Variants in DTX2 observed in about 807,000 individuals in gnomAD.
DTX2 encodes the protein deltex E3 ubiquitin ligase 2, also known as probable E3 ubiquitin-protein ligase DTX2.
DTX2 carries 29 observed loss-of-function variants against 55.3 expected under a neutral mutation model. That is an observed-to-expected ratio of 0.52 (90% CI 0.39 to 0.71). The LOEUF is 0.71. DTX2 is among the 30% of genes least tolerant of loss of function. The pLI is 0.00. For missense variants in DTX2, 537 were observed against 822.5 expected (o/e 0.65, Z 4.25); for synonymous variants, 276 against 340.4 (o/e 0.81, Z 2.08).
At chr7:76,501,572 C>T in intron 7 of DTX2, among the ~76,000 whole-genome samples, 1 of 151,538 alleles carries the variant, frequency 6.6e-6, no homozygotes, top group Non-Finnish European at 1.5e-5. Flanking sequence ...GCAGCCAGAC[C>T]CCCGAGGGCG....
At chr7:76,503,297 G>C (rs1811944576) in intron 8 of DTX2, 129 bp from the exon 9 acceptor site, 1 of 1,048,254 alleles carries the variant, frequency 9.5e-7, no homozygotes. Context: ...TTCCGGGCAG[G>C]AGGCTGCCAG....
At chr7:76,482,276 C>T (rs1255183276) in intron 3 of DTX2, among the ~76,000 whole-genome samples, 1 of 151,546 alleles carries the variant, frequency 6.6e-6, no homozygotes, top group African/African-American at 2.4e-5. Context: ...AGGAGGATCG[C>T]TTGAGCCCAG....
rs1369517603 is a variant in DTX2, at chr7:76,468,718, C to T, written c.-90+5009C>T. ...GGTGATCCACCCCCGCTTGGCCTCC[C>T]AAAGTGCTGGGATTATAGGCGTGAG... On this transcript the variant is annotated intron_variant, in intron 2 of 10. Coordinates refer to ENST00000430490, the MANE Select transcript of DTX2 (RefSeq NM_001102594.3). Among the ~76,000 whole-genome samples the T allele has an allele frequency of 9.7e-5, 7 of 71,890 alleles. 1 individual carries two copies. Among genetic ancestry groups the T allele is most frequent in the Non-Finnish European group, 1.8e-4 (7 of 39,442 alleles). The allele number at this position is 71,890 out of a possible 152,430, so 47.2% of individuals were successfully genotyped here.
At chr7:76,486,884 C>CTGCTGCTTCTTT (rs59594095) in intron 4 of DTX2, among the ~76,000 whole-genome samples, 1 of 149,126 alleles carries the variant, frequency 6.7e-6, no homozygotes, top group African/African-American at 2.5e-5. Flanking sequence ...GCTGCTGCTG[C>CTGCTGCTTCTTT]TGCCCTTGCC....
chr7:76,469,559 ATT>A (rs1325480000), intron 2 of DTX2, among the ~76,000 whole-genome samples: 1 of 149,904 alleles, frequency 6.7e-6, no homozygotes, highest in Non-Finnish European at 1.5e-5. Context: ...CACTTGGCTA[ATT>A]TTTTGTATTT....
chr7:76,498,355 C>G (rs934007732), intron 6 of DTX2, among the ~76,000 whole-genome samples: 1 of 151,576 alleles, frequency 6.6e-6, no homozygotes, highest in African/African-American at 2.4e-5. Context: ...CGAGCTCCTG[C>G]CCCCAGCCCA....
chr7:76,480,560 G>C lies in DTX2; in HGVS notation c.51G>C (p.Ala17=). Residue 17 remains alanine (A), a synonymous_variant, in exon 3 of 11, where the codon GCG becomes GCC. Coordinates refer to ENST00000430490, the MANE Select transcript of DTX2 (RefSeq NM_001102594.3). ...TGGTGCAGGTGTACACCAGCCCCGC[G>C]GCTGTGGCCGTGTGGGAATGGCAGG... ...PSLVQVYTSP[A]AVAVWEWQDG... 2 of 1,612,494 alleles carry C rather than the reference G, an allele frequency of 1.2e-6. No homozygotes were observed. The highest frequency in any genetic ancestry group is 1.7e-6 in the Non-Finnish European group (2 of 1,179,954).
chr7:76,480,399 C>G lies in DTX2; in HGVS notation c.-89-22C>G, dbSNP rs73703176. On this transcript the variant is annotated intron_variant, in intron 2 of 10. Transcript: ENST00000430490. ...GGCTACTGATGTGCATTGGTAACTG[C>G]TCATGTCTGTCCTGTTCACAGATCT... is the stretch of plus-strand genomic sequence containing the variant. 1,258 of 1,248,618 alleles carry G rather than the reference C, an allele frequency of 1.0e-3. 12 individuals are homozygous for G. In the African/African-American group the frequency reaches 0.016, roughly 16 times the overall value. The allele number at this position is 1,248,618 out of a possible 1,614,324, so 77.3% of individuals were successfully genotyped here.
Position 76,505,661 on chromosome 7 carries a change from T to C in DTX2, c.*60T>C. 1 of 1,505,348 alleles carries C rather than the reference T, an allele frequency of 6.6e-7. No homozygotes were observed. Among genetic ancestry groups the C allele is most frequent in the Non-Finnish European group, 8.9e-7 (1 of 1,122,164 alleles). The allele number at this position is 1,505,348 out of a possible 1,614,324, so 93.2% of individuals were successfully genotyped here. ...CCCCGCTGCCCCATGGCTGGCTGGG[T>C]GGCCAGGCAGGAAGTGCCCAGCCCG... On this transcript the variant is annotated 3_prime_UTR_variant, in exon 11 of 11. Transcript: ENST00000430490. The surrounding 1 kb of genome is among the most constrained non-coding windows in gnomAD (Gnocchi z 4.4).
chr7:76,477,540 G>T, intron 2 of DTX2, among the ~76,000 whole-genome samples: 1 of 151,634 alleles, frequency 6.6e-6, no homozygotes, highest in East Asian at 2.0e-4. Context: ...AGCTTGGAGA[G>T]CTTAGATACT....
At chr7:76,472,569 C>T (rs1166757266) in intron 2 of DTX2, among the ~76,000 whole-genome samples, 6 of 148,012 alleles carry the variant, frequency 4.1e-5, no homozygotes, top group Admixed American at 2.7e-4. Context: ...TCAGATGATC[C>T]GCCCCCCTCA....
At chr7:76,464,204 G>A (rs1359039169) in intron 2 of DTX2, among the ~76,000 whole-genome samples, 242 of 151,142 alleles carry the variant, frequency 1.6e-3, no homozygotes, top group African/African-American at 2.3e-3. Context: ...GTTGAGGGGG[G>A]TTGTGAAGGA....
intron 3 of DTX2, among the ~76,000 whole-genome samples, chr7:76,481,120 C>T (rs1809149881): frequency 6.6e-6 from 1 of 152,156 alleles, no homozygotes; most frequent in Non-Finnish European, 1.5e-5. Context: ...TGGCTGTGTG[C>T]CCTGGGCAGG....
chr7:76,496,958 GC>G (rs1810964702), intron 5 of DTX2, among the ~76,000 whole-genome samples: 1 of 106,514 alleles, frequency 9.4e-6, no homozygotes, highest in Non-Finnish European at 1.8e-5. Context: ...AGGGCCCAGG[GC>G]CTCCTGGGGA....
At chr7:76,481,835 GT>G (rs58594004) in intron 3 of DTX2, among the ~76,000 whole-genome samples, 76,668 of 146,786 alleles carry the variant, frequency 0.52, 20,208 homozygotes, top group African/African-American at 0.62. Context: ...AAAAGTATGG[GT>G]TTTTTTTTTT....
chr7:76,474,594 G>A (rs1345946067), intron 2 of DTX2: 1 of 151,990 alleles, frequency 6.6e-6, no homozygotes, highest in Non-Finnish European at 1.5e-5. Flanking sequence ...TGATCAGATG[G>A]GTTTCTCACA....
intron 2 of DTX2, among the ~76,000 whole-genome samples, chr7:76,465,318 A>G (rs1462095601): frequency 2.1e-5 from 3 of 140,946 alleles, no homozygotes; most frequent in Non-Finnish European, 4.5e-5. Flanking sequence ...GTGGAGAGGG[A>G]GGTATAGATG....
chr7:76,487,135 G>A (rs2116449588), intron 4 of DTX2, among the ~76,000 whole-genome samples: 1 of 64,602 alleles, frequency 1.5e-5, no homozygotes, highest in East Asian at 4.8e-4. Flanking sequence ...GTGGCTCACT[G>A]CAGCCTCAAA....
At chr7:76,499,694 C>T (rs1331989942) in intron 6 of DTX2, 2 of 162,054 alleles carry the variant, frequency 1.2e-5, no homozygotes, top group Admixed American at 5.9e-5. Context: ...CCCCGGGCCG[C>T]GCCGATCCTC....
Sources: gnomAD v4.1 joint callset for allele counts (sites outside exome capture counted in the v4.1 genomes callset) on GRCh38, gnomAD v4.1.1 for gene constraint, Gnocchi (gnomAD v3.1) non-coding constraint, MANE v1.5 for transcripts, NCBI Gene and HGNC (gene_info 2026-07-23, HGNC 2026-07-21) for gene names.